The following DIAPH2 variants were observed in gnomAD, a reference collection of about 807,000 sequenced individuals.
DIAPH2 encodes the protein diaphanous related formin 2, also known as protein diaphanous homolog 2.
Under a neutral mutation model 92.7 loss-of-function variants are expected in DIAPH2, and 35 were observed. The observed-to-expected ratio is 0.38, with a 90% CI of 0.29 to 0.50. The LOEUF (loss-of-function observed/expected upper bound fraction) is 0.50. DIAPH2 is among the 20% of genes least tolerant of loss of function. The pLI is 0.94. For missense variants in DIAPH2, 701 were observed against 819.5 expected (o/e 0.86, Z 1.77); for synonymous variants, 301 against 280.4 (o/e 1.07, Z -0.73).
intron 26 of DIAPH2, among the ~76,000 whole-genome samples, chrX:97,463,949 A>AT (rs966208547): frequency 9.1e-6 from 1 of 110,182 alleles, no homozygotes; most frequent in Admixed American, 9.7e-5. Flanking sequence ...TGTTTTTCTA[A>AT]TTTTTTTTAT....
chrX:97,474,457 T>C (rs2070588308), intron 26 of DIAPH2, among the ~76,000 whole-genome samples: 1 of 112,206 alleles, frequency 8.9e-6, no homozygotes, highest in Admixed American at 9.4e-5. Flanking sequence ...AACCTCTTCC[T>C]GCAGAGATTT....
chrX:96,882,396 T>C (rs372517365), intron 5 of DIAPH2, among the ~76,000 whole-genome samples: 10 of 111,373 alleles, frequency 9.0e-5, no homozygotes, highest in African/African-American at 2.9e-4. Flanking sequence ...TTTATGTTCT[T>C]CTATAAGTTT....
At chrX:97,469,525 T>A (rs753415375) in intron 26 of DIAPH2, among the ~76,000 whole-genome samples, 6 of 112,169 alleles carry the variant, frequency 5.3e-5, no homozygotes, top group Non-Finnish European at 9.4e-5. Flanking sequence ...GTGTATTATC[T>A]GTGGCCTAAT....
At chrX:96,747,539 A>G (rs1182185696) in intron 3 of DIAPH2, among the ~76,000 whole-genome samples, 1 of 112,409 alleles carries the variant, frequency 8.9e-6, no homozygotes, top group Non-Finnish European at 1.9e-5. Flanking sequence ...GATAATAGTT[A>G]TATGCAATAA....
chrX:97,253,708 C>G (rs2068210853), intron 23 of DIAPH2, among the ~76,000 whole-genome samples: 1 of 110,800 alleles, frequency 9.0e-6, no homozygotes, highest in Non-Finnish European at 1.9e-5. Flanking sequence ...CGAGATTGTG[C>G]CACTGCACTC....
intron 26 of DIAPH2, among the ~76,000 whole-genome samples, chrX:97,573,041 TCCCA>T (rs1280033197): frequency 2.7e-5 from 3 of 111,652 alleles, no homozygotes; most frequent in Non-Finnish European, 5.6e-5. Context: ...CTTTTAGATG[TCCCA>T]TATGGTTTAA....
chrX:97,223,455 TG>T (rs1320562225), intron 22 of DIAPH2, among the ~76,000 whole-genome samples: 1 of 111,471 alleles, frequency 9.0e-6, no homozygotes, highest in African/African-American at 3.3e-5. Context: ...GGGTAGAAAA[TG>T]GTAGATCATT....
chrX:96,938,963 A>G lies in DIAPH2; in HGVS notation c.1209-303A>G, dbSNP rs377374813. On this transcript the variant is annotated intron_variant, in intron 11 of 26. Coordinates refer to ENST00000324765, the MANE Select transcript of DIAPH2 (RefSeq NM_006729.5). ...AAAGGAAACCATTTTCACTGATGGC[A>G]TTGCTGTTCCAATGGTACCAGCTAT... Among the ~76,000 whole-genome samples the G allele has an allele frequency of 3.9e-4, 44 of 111,748 alleles. No individual in the cohort carries two copies. The South Asian group carries it at 0.015, about 39-fold the overall frequency.
intron 26 of DIAPH2, among the ~76,000 whole-genome samples, chrX:97,473,267 C>G (rs777211391): frequency 6.2e-4 from 70 of 112,321 alleles, no homozygotes; most frequent in African/African-American, 2.2e-3. Context: ...CGTTGGATAA[C>G]AAACTATGGC....
intron 26 of DIAPH2, among the ~76,000 whole-genome samples, chrX:97,577,631 C>A (rs2071407302): frequency 9.0e-6 from 1 of 111,401 alleles, no homozygotes; most frequent in Non-Finnish European, 1.9e-5. Flanking sequence ...TACATAAGCA[C>A]AAATCTGGAA....
In DIAPH2 at chrX:96,962,310, TACATATATATATAC is replaced by T. The variant is rs1556310043; in HGVS notation, c.1936-2767_1936-2754del. Among the ~76,000 whole-genome samples the T allele has an allele frequency of 5.6e-4, 21 of 37,572 alleles. 2 individuals are homozygous for T. The highest frequency in any genetic ancestry group is 1.9e-3 in the African/African-American group (20 of 10,264). The allele number at this position is 37,572 out of a possible 115,157, so 32.6% of individuals were successfully genotyped here. On this transcript the variant is annotated intron_variant, in intron 16 of 26. Coordinates refer to ENST00000324765, the MANE Select transcript of DIAPH2 (RefSeq NM_006729.5). Reference sequence around the variant, plus strand: ...ACATATATATATATACATATATATATACATATATATATACACATATATATATACATATATATATA... The same window carrying T: ...ACATATATATATATACATATATATATACATATATATATACATATATATATA...
chrX:96,758,894 A>G (rs1360384237), intron 4 of DIAPH2, among the ~76,000 whole-genome samples: 2 of 109,371 alleles, frequency 1.8e-5, no homozygotes, highest in East Asian at 5.8e-4. Context: ...TTAGTGGAGT[A>G]TTTTGCTCTG....
intron 22 of DIAPH2, among the ~76,000 whole-genome samples, chrX:97,150,355 C>T (rs1447730792): frequency 1.8e-5 from 2 of 111,762 alleles, no homozygotes; most frequent in African/African-American, 6.5e-5. Context: ...TGAAAGGAAG[C>T]AGAGATCATG....
In DIAPH2 at chrX:97,284,184, A is replaced by T. The variant is rs192070684; in HGVS notation, c.2844+36345A>T. Among the ~76,000 whole-genome samples the T allele has an allele frequency of 3.6e-5, 4 of 111,847 alleles. No individual in the cohort carries two copies. The East Asian group carries it at 1.1e-3, about 31-fold the overall frequency. Reference sequence around the variant, plus strand: ...TATTTTTTTAGTATTTTAATAACCAATGCAGCTATCCTAATGTAATCTGAC... The same window carrying T: ...TATTTTTTTAGTATTTTAATAACCATTGCAGCTATCCTAATGTAATCTGAC... On this transcript the variant is annotated intron_variant, in intron 23 of 26. Transcript: ENST00000324765.
intron 22 of DIAPH2, among the ~76,000 whole-genome samples, chrX:97,154,282 A>G (rs1016711252): frequency 8.9e-6 from 1 of 111,750 alleles, no homozygotes; most frequent in Non-Finnish European, 1.9e-5. Context: ...CACAATGAAT[A>G]AGAGCGAATA....
At chrX:96,862,461 T>C (rs941330731) in intron 4 of DIAPH2, among the ~76,000 whole-genome samples, 1 of 111,863 alleles carries the variant, frequency 8.9e-6, no homozygotes, top group Non-Finnish European at 1.9e-5. Context: ...TTAAGTTCCC[T>C]GAAGGGAACT....
At chrX:97,002,250 T>A (rs984132550) in intron 17 of DIAPH2, among the ~76,000 whole-genome samples, 1 of 110,523 alleles carries the variant, frequency 9.0e-6, no homozygotes, top group African/African-American at 3.3e-5. Flanking sequence ...GTTTTATCCC[T>A]TTACTTTGCA....
chrX:96,751,652 G>GTTTTTTTGTTTTTTTT (rs2064190564), intron 3 of DIAPH2, among the ~76,000 whole-genome samples: 5 of 60,312 alleles, frequency 8.3e-5, no homozygotes, highest in African/African-American at 3.2e-4. Flanking sequence ...TCAGTGTTTT[G>GTTTTTTTGTTTTTTTT]TTTTTTTTTT....
chrX:97,187,275 A>T lies in DIAPH2; in HGVS notation c.2719+45481A>T, dbSNP rs1341009571. Among the ~76,000 whole-genome samples, 5 of 21,266 alleles carry T rather than the reference A, an allele frequency of 2.4e-4. No homozygotes were observed. The Admixed American group carries it at 4.1e-3, about 18-fold the overall frequency. 18.5% of individuals were successfully genotyped at this position (21,266 alleles called of 115,157 possible). ...GGATTTAGGGATTGAAGACTAATTA[A>T]GTAGCCTTTTTTTTTTTTTTTTTTT... On this transcript the variant is annotated intron_variant, in intron 22 of 26. Transcript: ENST00000324765.
Sources: allele counts gnomAD v4.1 joint callset (sites outside exome capture counted in the v4.1 genomes callset), GRCh38; gene constraint gnomAD v4.1.1; transcripts MANE v1.5; gene names NCBI Gene and HGNC (gene_info 2026-07-23, HGNC 2026-07-21).